DISC1: variants seen among roughly 807,000 people sequenced by gnomAD.
DISC1 encodes the protein disrupted in schizophrenia 1 protein.
DISC1 carries 57 observed loss-of-function variants against 84.5 expected under a neutral mutation model. The observed-to-expected ratio is 0.67, with a 90% CI of 0.55 to 0.84. DISC1 has a LOEUF of 0.84. Ranked by LOEUF, DISC1 falls within the 40% of genes least tolerant of loss-of-function variation. The pLI, the probability that DISC1 is intolerant of heterozygous loss-of-function variation, is 0.00. For missense variants in DISC1, 1,000 were observed against 1,057.8 expected (o/e 0.95, Z 0.76); for synonymous variants, 411 against 415.2 (o/e 0.99, Z 0.12).
At chr1:231,710,636 C>T (rs915214454) in intron 3 of DISC1, among the ~76,000 whole-genome samples, 3 of 152,178 alleles carry the variant, frequency 2.0e-5, no homozygotes, top group African/African-American at 7.2e-5. Context: ...GGGTTGGTCT[C>T]TTCTGAGGCC....
chr1:231,847,913 A>G (rs569173454), intron 9 of DISC1, among the ~76,000 whole-genome samples: 1 of 152,340 alleles, frequency 6.6e-6, no homozygotes, highest in African/African-American at 2.4e-5. Flanking sequence ...AGTGTCACTC[A>G]AATATTTGCC....
chr1:231,807,512 C>T (rs1386843394), intron 8 of DISC1, among the ~76,000 whole-genome samples: 1 of 152,178 alleles, frequency 6.6e-6, no homozygotes. Context: ...AAAAATGGAC[C>T]CTCATTCATT....
At chr1:231,767,310 T>C in intron 5 of DISC1, 41 bp downstream of exon 5, 1 of 1,612,530 alleles carries the variant, frequency 6.2e-7, no homozygotes, top group Non-Finnish European at 8.5e-7. Context: ...GATGGCATTT[T>C]TCTTTTCTTT....
intron 12 of DISC1, among the ~76,000 whole-genome samples, chr1:232,030,280 C>T (rs1008293056): frequency 3.3e-5 from 5 of 152,188 alleles, no homozygotes; most frequent in South Asian, 2.1e-4. Context: ...GTCTCCTCCA[C>T]GCTCAAAATA....
intron 3 of DISC1, among the ~76,000 whole-genome samples, chr1:231,728,256 G>T (rs2812385): frequency 0.58 from 88,502 of 152,024 alleles, 26,327 homozygotes; most frequent in Middle Eastern, 0.7. Flanking sequence ...ATAAAGCCAA[G>T]ATTTGTTTTT....
chr1:231,635,877 T>G (rs1277527873), intron 1 of DISC1, among the ~76,000 whole-genome samples: 1 of 152,210 alleles, frequency 6.6e-6, no homozygotes, highest in African/African-American at 2.4e-5. Context: ...TCTACACCAT[T>G]GAGAAGCCTA....
intron 10 of DISC1, among the ~76,000 whole-genome samples, chr1:231,990,725 T>G (rs1665092255): frequency 1.3e-5 from 2 of 152,194 alleles, no homozygotes; most frequent in Non-Finnish European, 2.9e-5. Context: ...ATGACTCTGC[T>G]TCCCCTGCAG....
intron 6 of DISC1, among the ~76,000 whole-genome samples, chr1:231,788,915 A>G (rs1331452210): frequency 1.1e-5 from 1 of 89,548 alleles, no homozygotes; most frequent in Non-Finnish European, 2.1e-5. Flanking sequence ...CTTATTTCTT[A>G]GAAGACAAGA....
intron 9 of DISC1, among the ~76,000 whole-genome samples, chr1:231,874,880 C>T (rs945952345): frequency 1.4e-5 from 2 of 144,590 alleles, no homozygotes; most frequent in African/African-American, 2.6e-5. Context: ...CACTACACTC[C>T]AGCTCTAGCC....
At chr1:232,035,277 C>T (rs1670410291) in intron 12 of DISC1, among the ~76,000 whole-genome samples, 1 of 152,102 alleles carries the variant, frequency 6.6e-6, no homozygotes, top group South Asian at 2.1e-4. Context: ...TGGTGAAACC[C>T]CATTTCTACT....
chr1:232,033,715 T>G (rs1018447637), intron 12 of DISC1, among the ~76,000 whole-genome samples: 1 of 152,196 alleles, frequency 6.6e-6, no homozygotes, highest in Admixed American at 6.5e-5. Context: ...AGAAAGAGGA[T>G]CTCTCTCTGC....
rs772615828 is a variant in DISC1, at chr1:231,702,039, G to C, written c.1117+15G>C. On this transcript the variant is annotated intron_variant, in intron 3 of 12. Coordinates refer to ENST00000439617, the MANE Select transcript of DISC1 (RefSeq NM_018662.3). ...TTATGATAAAGGTGAGTTTTAATTT[G>C]TTTATTGATTGTTTTGTCATCATGT... 1 of 1,597,432 alleles carries C rather than the reference G, an allele frequency of 6.3e-7. No homozygotes were observed. The highest frequency in any genetic ancestry group is 1.2e-5 in the South Asian group (1 of 86,618).
At chr1:231,946,115 G>T (rs894366821) in intron 9 of DISC1, among the ~76,000 whole-genome samples, 1 of 152,142 alleles carries the variant, frequency 6.6e-6, no homozygotes, top group Non-Finnish European at 1.5e-5. Context: ...ATTTTATGAG[G>T]CCAGCATCAT....
intron 9 of DISC1, among the ~76,000 whole-genome samples, chr1:231,820,472 T>G (rs2081406601): frequency 6.6e-6 from 1 of 152,226 alleles, no homozygotes; most frequent in African/African-American, 2.4e-5. Context: ...AATGAAACCA[T>G]TTAAGAAATG....
intron 9 of DISC1, among the ~76,000 whole-genome samples, chr1:231,933,338 A>G (rs2090785688): frequency 6.6e-6 from 1 of 152,184 alleles, no homozygotes; most frequent in Non-Finnish European, 1.5e-5. Flanking sequence ...CAATTGTAAG[A>G]GGAGCTTTGG....
Position 232,009,372 on chromosome 1 carries a change from T to G in DISC1, c.2307+323T>G. On this transcript the variant is annotated intron_variant, in intron 11 of 12. Transcript: ENST00000439617. This position sits in a 1 kb window ranked among gnomAD's most constrained non-coding sequence, Gnocchi z 4.6. ...TTATATATGTCATATATAATATAGT[T>G]ATTATATTCACTATAGATTATATAT... 1.2e-6 allele frequency: 1 copy of G among 851,080 alleles called. No homozygotes were observed. Among genetic ancestry groups the G allele is most frequent in the Non-Finnish European group, 1.5e-6 (1 of 689,072 alleles). The allele number at this position is 851,080 out of a possible 1,614,324, so 52.7% of individuals were successfully genotyped here.
At chr1:231,907,858 A>G (rs753706883) in intron 9 of DISC1, among the ~76,000 whole-genome samples, 1 of 152,138 alleles carries the variant, frequency 6.6e-6, no homozygotes, top group South Asian at 2.1e-4. Flanking sequence ...CTTTTTAATG[A>G]TCGCCATTCT....
intron 1 of DISC1, among the ~76,000 whole-genome samples, chr1:231,683,796 G>C (rs575491049): frequency 6.6e-6 from 1 of 151,540 alleles, no homozygotes; most frequent in Non-Finnish European, 1.5e-5. Flanking sequence ...CTGTCCTCTC[G>C]GTCCCCACCT....
At chr1:231,898,946 A>G (rs944756027) in intron 9 of DISC1, among the ~76,000 whole-genome samples, 2 of 152,052 alleles carry the variant, frequency 1.3e-5, no homozygotes, top group African/African-American at 4.8e-5. Context: ...AAAACAAAAC[A>G]AAAAATGAAA....
Sources: gnomAD v4.1 joint callset for allele counts (sites outside exome capture counted in the v4.1 genomes callset) on GRCh38, gnomAD v4.1.1 for gene constraint, Gnocchi (gnomAD v3.1) non-coding constraint, MANE v1.5 for transcripts, NCBI Gene and HGNC (gene_info 2026-07-23, HGNC 2026-07-21) for gene names.